The following TDRD7 variants were observed in gnomAD, a reference collection of about 807,000 sequenced individuals.
The protein encoded by TDRD7 is tudor domain-containing protein 7.
In TDRD7, 47 loss-of-function variants were observed where a neutral mutation model predicts 109.8. The observed-to-expected ratio is 0.43, with a 90% CI of 0.34 to 0.55. The LOEUF (loss-of-function observed/expected upper bound fraction) is 0.55. TDRD7 is among the 20% of genes least tolerant of loss of function. The pLI is 0.03. For missense variants in TDRD7, 1,164 were observed against 1,319.2 expected, an observed-to-expected ratio of 0.88 and a Z score of 1.82; for synonymous variants, 424 against 457.3, an observed-to-expected ratio of 0.93 and a Z score of 0.93.
chr9:97,476,171 C>G (rs1829014824), intron 12 of TDRD7, among the ~76,000 whole-genome samples: 1 of 152,066 alleles, frequency 6.6e-6, no homozygotes, highest in Non-Finnish European at 1.5e-5. Flanking sequence ...AGAGTATATC[C>G]CTTTAAGAAC....
At chr9:97,471,599 G>T (rs1828914402) in intron 9 of TDRD7, among the ~76,000 whole-genome samples, 1 of 152,172 alleles carries the variant, frequency 6.6e-6, no homozygotes, top group African/African-American at 2.4e-5. Context: ...TTAGCTTGTG[G>T]ATTTAAAGTA....
intron 11 of TDRD7, 49 bp from the exon 12 acceptor site, chr9:97,475,334 A>G (rs1214183351): frequency 7.1e-7 from 1 of 1,411,346 alleles, no homozygotes; most frequent in Non-Finnish European, 1.0e-6. Flanking sequence ...GTGTAGCAAT[A>G]TGCTCTTTGC....
At chr9:97,487,056 T>G in intron 15 of TDRD7, 116 bp from the exon 16 acceptor site, 1 of 1,194,472 alleles carries the variant, frequency 8.4e-7, no homozygotes. Context: ...TAGTTTTAAA[T>G]TTTGATAAAC....
chr9:97,493,277 G>A lies in TDRD7; in HGVS notation c.3077-2386G>A, dbSNP rs149569278. On this transcript the variant is annotated intron_variant, in intron 16 of 16. Coordinates refer to ENST00000355295, the MANE Select transcript of TDRD7 (RefSeq NM_014290.3). ...TTTCTATTTTCCCTAAGTGTCGGCC[G>A]GTCTGAGAAATAAAGGGACAGAGTA... 7.1e-3 allele frequency among the ~76,000 whole-genome samples: 1,077 copies of A among 152,076 alleles called. 11 individuals are homozygous for A. The highest frequency in any genetic ancestry group is 0.012 in the Non-Finnish European group (794 of 68,002).
At chr9:97,488,560 G>GTTTTTTTTTTTTTTTTTTTTTTTTTT (rs61689126) in intron 16 of TDRD7, among the ~76,000 whole-genome samples, 3 of 140,590 alleles carry the variant, frequency 2.1e-5, no homozygotes, top group Non-Finnish European at 3.1e-5. Context: ...AGATTTAATG[G>GTTTTTTTTTTTTTTTTTTTTTTTTTT]TTTTTTTTTT....
chr9:97,450,412 A>G (rs1251958371), intron 6 of TDRD7, among the ~76,000 whole-genome samples: 2 of 152,144 alleles, frequency 1.3e-5, no homozygotes, highest in Non-Finnish European at 2.9e-5. Context: ...TAGATGCCGT[A>G]AAAGTTCCCT....
At chr9:97,428,764 A>C in intron 2 of TDRD7, 92 bp downstream of exon 2, 1 of 1,208,322 alleles carries the variant, frequency 8.3e-7, no homozygotes. Flanking sequence ...TAGACGTCTA[A>C]GTGAAAGTAC....
chr9:97,480,747 G>C, intron 13 of TDRD7, 81 bp from the exon 14 acceptor site: 2 of 1,159,856 alleles, frequency 1.7e-6, no homozygotes, highest in Non-Finnish European at 1.3e-6. Flanking sequence ...CATTTGATTT[G>C]TAGGAAAATA....
intron 16 of TDRD7, among the ~76,000 whole-genome samples, chr9:97,491,411 C>G (rs1025212613): frequency 2.0e-5 from 3 of 152,232 alleles, no homozygotes. Context: ...CTGATGCTTG[C>G]TCAGTCTCTT....
At chr9:97,453,471 G>A (rs1828537598) in intron 6 of TDRD7, among the ~76,000 whole-genome samples, 1 of 151,990 alleles carries the variant, frequency 6.6e-6, no homozygotes, top group Admixed American at 6.6e-5. Context: ...GGCAACCCAG[G>A]GTATCCAGGT....
chr9:97,488,647 C>T (rs1169184247), intron 16 of TDRD7, among the ~76,000 whole-genome samples: 1 of 151,904 alleles, frequency 6.6e-6, no homozygotes, highest in African/African-American at 2.4e-5. Context: ...TTATACTCCC[C>T]AGAGAAGGCT....
intron 7 of TDRD7, 45 bp from the exon 8 acceptor site, chr9:97,464,797 C>T: frequency 6.2e-7 from 1 of 1,608,664 alleles, no homozygotes; most frequent in Non-Finnish European, 8.5e-7. Context: ...TGCTTTTCTT[C>T]TTCTAGGTTA....
chr9:97,441,679 A>G lies in TDRD7; in HGVS notation c.659A>G (p.Glu220Gly). ...EMSDNLNQTV[E>G]KPNVKPPASY... ...AAAGATAATTTAAATCAGACTGTTGAAAAACCCAATGTCAAGCCTCCTGCC... is the reference window on the plus strand; with the variant it reads ...AAAGATAATTTAAATCAGACTGTTGGAAAACCCAATGTCAAGCCTCCTGCC... Residue 220 changes from glutamate (E) to glycine (G), a missense_variant, in exon 6 of 17, where the codon GAA becomes GGA. This residue lies in a region of TDRD7 where 407 missense variants were observed against 394.0 expected (regional missense o/e 1.03). Transcript: ENST00000355295. The G allele has an allele frequency of 6.2e-7, 1 of 1,611,590 alleles. No homozygotes were observed. The highest frequency in any genetic ancestry group is 8.5e-7 in the Non-Finnish European group (1 of 1,179,406).
intron 8 of TDRD7, among the ~76,000 whole-genome samples, chr9:97,469,671 A>G (rs190677705): frequency 1.2e-4 from 19 of 152,284 alleles, no homozygotes; most frequent in Admixed American, 1.2e-3. Flanking sequence ...TTAGAGATGC[A>G]TATTAGGTTT....
intron 8 of TDRD7, among the ~76,000 whole-genome samples, chr9:97,469,396 C>T (rs887955341): frequency 6.6e-6 from 1 of 152,174 alleles, no homozygotes; most frequent in African/African-American, 2.4e-5. Flanking sequence ...TAGACAGGCC[C>T]CACAGGCCCG....
intron 6 of TDRD7, among the ~76,000 whole-genome samples, chr9:97,457,514 G>A (rs1828639623): frequency 1.3e-5 from 2 of 152,092 alleles, no homozygotes; most frequent in Admixed American, 1.3e-4. Flanking sequence ...AAGTAGTTGG[G>A]ATTACAGGCA....
In TDRD7 at chr9:97,428,575, A is replaced by G. The variant is rs760255239; in HGVS notation, c.110A>G (p.Asp37Gly). The G allele has an allele frequency of 6.2e-7, 1 of 1,613,750 alleles. No individual in the cohort carries two copies. Among genetic ancestry groups the G allele is most frequent in the Non-Finnish European group, 8.5e-7 (1 of 1,179,876 alleles). Residue 37 changes from aspartate to glycine, a missense_variant, in exon 2 of 17, where the codon GAC (aspartate) becomes GGC (glycine). By Grantham distance (94) the Asp-to-Gly change is moderately conservative. This residue lies in a region of TDRD7 where 101 missense variants were observed against 148.5 expected (regional missense o/e 0.68). Coordinates refer to ENST00000355295, the MANE Select transcript of TDRD7 (RefSeq NM_014290.3). Reference sequence around the variant, plus strand: ...GGAGAGTACAGATCCTTGACTGGAGACTGGATCCCCTTCAAACAGCTAGGT... The same window carrying G: ...GGAGAGTACAGATCCTTGACTGGAGGCTGGATCCCCTTCAAACAGCTAGGT... ...LQGEYRSLTG[D>G]WIPFKQLGFP...
chr9:97,419,645 A>G (rs1027567694), intron 1 of TDRD7, among the ~76,000 whole-genome samples: 6 of 152,122 alleles, frequency 3.9e-5, no homozygotes, highest in African/African-American at 1.2e-4. Flanking sequence ...ATGAATTTCT[A>G]TTGAGTATCT....
intron 15 of TDRD7, among the ~76,000 whole-genome samples, chr9:97,485,607 A>C (rs973452524): frequency 1.3e-5 from 2 of 152,226 alleles, no homozygotes; most frequent in African/African-American, 4.8e-5. Context: ...CCACCTGTGA[A>C]AATTTCTCTT....
Sources: gnomAD v4.1 joint callset for allele counts (sites outside exome capture counted in the v4.1 genomes callset) on GRCh38, gnomAD v4.1.1 for gene constraint, gnomAD v4.1.1 regional missense constraint, MANE v1.5 for transcripts, NCBI Gene and HGNC (gene_info 2026-07-23, HGNC 2026-07-21) for gene names.